Variants in GALNT17 observed in about 807,000 individuals in gnomAD.
The protein encoded by GALNT17 is polypeptide N-acetylgalactosaminyltransferase 17.
Under a neutral mutation model 63.7 loss-of-function variants are expected in GALNT17, and 29 were observed. The ratio of observed to expected loss-of-function variants is 0.46; its 90% confidence interval spans 0.34 to 0.62. GALNT17 has a LOEUF of 0.62. Ranked by LOEUF, GALNT17 falls within the 20% of genes least tolerant of loss-of-function variation. GALNT17 has a pLI of 0.01. For synonymous variants in GALNT17, 305 were observed against 318.3 expected, an observed-to-expected ratio of 0.96 and a Z score of 0.45; for missense variants, 603 against 799.6, an observed-to-expected ratio of 0.75 and a Z score of 2.97.
intron 6 of GALNT17, among the ~76,000 whole-genome samples, chr7:71,621,801 CTTGGCCTCTCTTCCAGA>C (rs1178404152): frequency 1.3e-5 from 2 of 152,126 alleles, no homozygotes; most frequent in Non-Finnish European, 2.9e-5. Context: ...GAAGGGTTCC[CTTGGCCTCTCTTCCAGA>C]TTGGTCACAT....
chr7:71,206,252 C>G (rs1433458826), intron 1 of GALNT17, among the ~76,000 whole-genome samples: 1 of 151,812 alleles, frequency 6.6e-6, no homozygotes, highest in African/African-American at 2.4e-5. Flanking sequence ...TGTGTGCAGT[C>G]TGCTCAGCAG....
chr7:71,516,741 A>G (rs1354245024), intron 5 of GALNT17, among the ~76,000 whole-genome samples: 1 of 152,084 alleles, frequency 6.6e-6, no homozygotes, highest in Non-Finnish European at 1.5e-5. Context: ...TGTGCCATGG[A>G]TGCTCTCCAT....
rs574278603 is a variant in GALNT17, at chr7:71,177,113, C to A, written c.238+44073C>A. On this transcript the variant is annotated intron_variant, in intron 1 of 10. Transcript: ENST00000333538. ...GCTGTTGCTGGTGTCTCTTCTGGAG[C>A]ATGTAGGGGCCTGTCGGAGAGCGGG... 5.9e-5 allele frequency among the ~76,000 whole-genome samples: 9 copies of A among 152,248 alleles called. 1 individual carries two copies. In the South Asian group the frequency reaches 1.9e-3, roughly 32 times the overall value.
chr7:71,217,514 C>G (rs1447437124), intron 1 of GALNT17, among the ~76,000 whole-genome samples: 1 of 152,054 alleles, frequency 6.6e-6, no homozygotes, highest in Non-Finnish European at 1.5e-5. Flanking sequence ...TGTTAGATTT[C>G]AAATACCTTA....
Position 71,388,326 on chromosome 7 carries a change from G to A in GALNT17, c.514G>A (p.Val172Met), listed in dbSNP as rs773948542. The change falls in exon 3 of 11, where the codon GTG becomes ATG. Residue 172 changes from valine to methionine, a missense_variant. Around this residue, in one of 3 missense-constraint regions of GALNT17, gnomAD observed 336 missense variants for 507.8 expected, o/e 0.66. Coordinates refer to ENST00000333538, the MANE Select transcript of GALNT17 (RefSeq NM_022479.3). ...GGCCCTGTCGGTGATCCTGCGGTCC[G>A]TGCACAGTGCCGTCAATCACACGCC... is the stretch of plus-strand genomic sequence containing the variant. ...NEALSVILRS[V>M]HSAVNHTPTH... 9.3e-6 allele frequency: 15 copies of A among 1,613,832 alleles called. No individual in the cohort carries two copies. Among genetic ancestry groups the A allele is most frequent in the African/African-American group, 4.0e-5 (3 of 74,842 alleles).
chr7:71,617,330 G>C (rs1038838914), intron 6 of GALNT17, among the ~76,000 whole-genome samples: 2 of 139,412 alleles, frequency 1.4e-5, no homozygotes, highest in Non-Finnish European at 3.1e-5. Context: ...TGGTTTTTTT[G>C]TTTTTTTTTT....
intron 9 of GALNT17, among the ~76,000 whole-genome samples, chr7:71,708,906 G>T (rs1342432092): frequency 1.3e-5 from 2 of 152,102 alleles, no homozygotes; most frequent in Admixed American, 6.5e-5. Context: ...CTTTTTCATG[G>T]CTGTATTGTA....
intron 1 of GALNT17, among the ~76,000 whole-genome samples, chr7:71,331,489 T>C (rs6976592): frequency 0.65 from 99,126 of 151,968 alleles, 32,802 homozygotes; most frequent in African/African-American, 0.77. Context: ...GGGAGAATCA[T>C]TTGAGGCCAG....
intron 7 of GALNT17, 103 bp downstream of exon 7, chr7:71,665,699 T>C: frequency 7.3e-7 from 1 of 1,364,284 alleles, no homozygotes; most frequent in Non-Finnish European, 9.9e-7. Context: ...AAAATGCTCA[T>C]GCTTAGAAAA....
chr7:71,576,878 A>G (rs1221557984), intron 6 of GALNT17, among the ~76,000 whole-genome samples: 1 of 152,194 alleles, frequency 6.6e-6, no homozygotes, highest in Non-Finnish European at 1.5e-5. Flanking sequence ...TGAATTTTTA[A>G]TAATAGCCAT....
intron 2 of GALNT17, among the ~76,000 whole-genome samples, chr7:71,375,356 C>G (rs553100863): frequency 1.3e-5 from 2 of 152,166 alleles, no homozygotes; most frequent in East Asian, 3.9e-4. Flanking sequence ...ACTTTTAGGA[C>G]CAGTTTGGAG....
chr7:71,506,692 A>G (rs145288605), intron 5 of GALNT17, among the ~76,000 whole-genome samples: 1 of 152,350 alleles, frequency 6.6e-6, no homozygotes, highest in African/African-American at 2.4e-5. Flanking sequence ...CAGGGTAGTT[A>G]GCGTGTCTAT....
rs898252037 is a variant in GALNT17 at position 71,274,428 on chromosome 7, C to T, written c.239-61122C>T. On this transcript the variant is annotated intron_variant, in intron 1 of 10. Coordinates refer to ENST00000333538, the MANE Select transcript of GALNT17 (RefSeq NM_022479.3). ...CTGAGTAGCTGGGACTACAGGTGTGCGCCACCACACCTGGCCAATTTTAAA... is the reference window on the plus strand; with the variant it reads ...CTGAGTAGCTGGGACTACAGGTGTGTGCCACCACACCTGGCCAATTTTAAA... Among the ~76,000 whole-genome samples the T allele has an allele frequency of 1.9e-4, 29 of 151,928 alleles. 1 individual carries two copies. The highest frequency in any genetic ancestry group is 8.8e-5 in the Non-Finnish European group (6 of 67,996).
chr7:71,607,624 A>G (rs1349328918), intron 6 of GALNT17, among the ~76,000 whole-genome samples: 1 of 152,218 alleles, frequency 6.6e-6, no homozygotes, highest in Non-Finnish European at 1.5e-5. Context: ...TGAAAGATAT[A>G]AAGAGATAAA....
intron 6 of GALNT17, among the ~76,000 whole-genome samples, chr7:71,597,355 A>G (rs953447746): frequency 6.6e-6 from 1 of 151,716 alleles, no homozygotes; most frequent in East Asian, 2.0e-4. Context: ...AAAGTTTTAA[A>G]TGATTAGCTG....
intron 1 of GALNT17, among the ~76,000 whole-genome samples, chr7:71,168,417 C>G (rs1405562495): frequency 6.6e-6 from 1 of 151,946 alleles, no homozygotes; most frequent in African/African-American, 2.4e-5. Context: ...ACTAAAAATA[C>G]AAAAATTAGC....
chr7:71,141,277 G>C (rs765477801), intron 1 of GALNT17, among the ~76,000 whole-genome samples: 1 of 151,886 alleles, frequency 6.6e-6, no homozygotes, highest in Admixed American at 6.6e-5. Flanking sequence ...TGAGGCAGGA[G>C]AATCACTTGA....
At chr7:71,471,665 T>C (rs1436920095) in intron 5 of GALNT17, among the ~76,000 whole-genome samples, 2 of 152,182 alleles carry the variant, frequency 1.3e-5, no homozygotes, top group African/African-American at 4.8e-5. Flanking sequence ...CTCTTAGCTT[T>C]TTCAGTCTGA....
chr7:71,243,291 C>A (rs1381564558), intron 1 of GALNT17, among the ~76,000 whole-genome samples: 1 of 152,156 alleles, frequency 6.6e-6, no homozygotes. Context: ...AATTAAATCT[C>A]TTTTCTCTAT....
Sources: gnomAD v4.1 joint callset for allele counts (sites outside exome capture counted in the v4.1 genomes callset) on GRCh38, gnomAD v4.1.1 for gene constraint, gnomAD v4.1.1 regional missense constraint, MANE v1.5 for transcripts, NCBI Gene and HGNC (gene_info 2026-07-23, HGNC 2026-07-21) for gene names.